Variants in AFF3 observed in about 807,000 individuals in gnomAD.
The protein encoded by AFF3 is AF4/FMR2 family member 3.
In AFF3, 32 loss-of-function variants were observed where a neutral mutation model predicts 129.7. That is an observed-to-expected ratio of 0.25 (90% CI 0.19 to 0.33). AFF3 has a LOEUF of 0.33. AFF3 is among the 10% of genes least tolerant of loss of function. The pLI, the probability that AFF3 is intolerant of heterozygous loss-of-function variation, is 1.00. For synonymous variants in AFF3, 644 were observed against 635.4 expected (o/e 1.01, Z -0.20); for missense variants, 1,373 against 1,592.0 (o/e 0.86, Z 2.34).
At chr2:99,571,746 A>C (rs1408628095) in intron 18 of AFF3, among the ~76,000 whole-genome samples, 1 of 152,126 alleles carries the variant, frequency 6.6e-6, no homozygotes, top group Non-Finnish European at 1.5e-5. Context: ...TCTCCTTTCG[A>C]GTGATTTCTA....
At position 99,788,283 on chromosome 2, in the gene AFF3, T is replaced by C. The variant is rs190615158; in HGVS notation, c.922-35982A>G. ...TAAAACAGCTTCAAGCAGTTCCTCA[T>C]GAGGTATCCAGAAGAAGGCACTGCT... On this transcript the variant is annotated intron_variant, in intron 8 of 24. Transcript: ENST00000672756. Among the ~76,000 whole-genome samples the C allele has an allele frequency of 4.6e-5, 7 of 152,246 alleles. No individual in the cohort carries two copies. The East Asian group carries it at 1.4e-3, about 29-fold the overall frequency.
intron 7 of AFF3, among the ~76,000 whole-genome samples, chr2:99,975,754 CTTTT>C (rs35224838): frequency 2.9e-5 from 3 of 103,892 alleles, no homozygotes; most frequent in Admixed American, 1.1e-4. Context: ...TTTCCCTCCA[CTTTT>C]TTTTTTTTTT....
chr2:99,817,242 TC>T (rs1247087333), intron 8 of AFF3, among the ~76,000 whole-genome samples: 1 of 152,078 alleles, frequency 6.6e-6, no homozygotes, highest in East Asian at 1.9e-4. Context: ...AGTACAAACC[TC>T]CCCGGGTCTG....
intron 7 of AFF3, among the ~76,000 whole-genome samples, chr2:99,929,659 G>A (rs189378577): frequency 2.7e-4 from 41 of 152,224 alleles, no homozygotes; most frequent in African/African-American, 8.7e-4. Context: ...CTGACATCAC[G>A]TTGCCTTGCC....
intron 8 of AFF3, among the ~76,000 whole-genome samples, chr2:99,823,192 A>G (rs1687817719): frequency 6.6e-6 from 1 of 152,140 alleles, no homozygotes; most frequent in Non-Finnish European, 1.5e-5. Context: ...TCTTTTTTTA[A>G]TAAGTGTTTA....
At chr2:100,029,667 A>T (rs13387413) in intron 4 of AFF3, among the ~76,000 whole-genome samples, 3,158 of 152,294 alleles carry the variant, frequency 0.021, 121 homozygotes, top group African/African-American at 0.072. Flanking sequence ...AGGGAGTGGG[A>T]AAACAGCATT....
intron 11 of AFF3, among the ~76,000 whole-genome samples, chr2:99,690,786 T>G (rs1196450297): frequency 6.6e-6 from 1 of 151,708 alleles, no homozygotes; most frequent in African/African-American, 2.4e-5. Flanking sequence ...AATTTTTTTT[T>G]TTTCAAAAAA....
intron 20 of AFF3, among the ~76,000 whole-genome samples, chr2:99,560,719 A>G (rs1675390504): frequency 6.6e-6 from 1 of 152,224 alleles, no homozygotes; most frequent in African/African-American, 2.4e-5. Flanking sequence ...TTCAAGAACT[A>G]TTCATGTATA....
chr2:99,945,035 G>C (rs926289067), intron 7 of AFF3, among the ~76,000 whole-genome samples: 11 of 152,158 alleles, frequency 7.2e-5, no homozygotes, highest in African/African-American at 2.4e-4. Context: ...GTTAGTGCTG[G>C]AGTAACAAAG....
intron 7 of AFF3, among the ~76,000 whole-genome samples, chr2:99,860,363 C>A (rs189398774): frequency 6.6e-6 from 1 of 151,982 alleles, no homozygotes; most frequent in African/African-American, 2.4e-5. Flanking sequence ...ACCATCCTGG[C>A]TAACATGGTG....
chr2:100,107,030 G>A, intron 2 of AFF3: 1 of 985,394 alleles, frequency 1.0e-6, no homozygotes, highest in Non-Finnish European at 1.2e-6. Context: ...TAAAGCAATT[G>A]CAAGGCGGGT....
intron 9 of AFF3, among the ~76,000 whole-genome samples, chr2:99,745,157 G>T (rs905887167): frequency 5.9e-5 from 9 of 152,116 alleles, no homozygotes; most frequent in African/African-American, 9.7e-5. Context: ...TCATGTGTTT[G>T]TTGGCCATTT....
intron 4 of AFF3, among the ~76,000 whole-genome samples, chr2:100,079,867 G>A (rs1688907963): frequency 6.6e-6 from 1 of 152,150 alleles, no homozygotes; most frequent in Non-Finnish European, 1.5e-5. Flanking sequence ...AAAAAGAAGA[G>A]TAACTCAGCC....
At chr2:99,657,043 G>A (rs781433411) in intron 12 of AFF3, among the ~76,000 whole-genome samples, 13 of 152,112 alleles carry the variant, frequency 8.5e-5, no homozygotes, top group African/African-American at 2.7e-4. Context: ...CTGTACAGTC[G>A]CTCTAATGAG....
chr2:99,724,271 C>CTTTCTTTTTTTTTTTTTTTTTT (rs1411290883), intron 11 of AFF3, among the ~76,000 whole-genome samples: 3 of 66,862 alleles, frequency 4.5e-5, no homozygotes, highest in African/African-American at 6.6e-5. Context: ...AATGACCTTT[C>CTTTCTTTTTTTTTTTTTTTTTT]TTTTTTTTTT....
chr2:99,689,624 G>C (rs912253890), intron 11 of AFF3, among the ~76,000 whole-genome samples: 11 of 127,150 alleles, frequency 8.7e-5, no homozygotes, highest in Middle Eastern at 5.7e-3. Flanking sequence ...TGTATCTCCA[G>C]TGCCTTGGAG....
chr2:100,080,564 G>A (rs1688967308), intron 4 of AFF3, among the ~76,000 whole-genome samples: 1 of 152,090 alleles, frequency 6.6e-6, no homozygotes, highest in Non-Finnish European at 1.5e-5. Flanking sequence ...TAAAGGGAGG[G>A]AGGGAGGAAA....
intron 7 of AFF3, among the ~76,000 whole-genome samples, chr2:99,961,458 C>T (rs773025760): frequency 6.6e-5 from 10 of 152,168 alleles, no homozygotes; most frequent in Non-Finnish European, 8.8e-5. Context: ...GAGACATCTG[C>T]GGTTTCACTT....
intron 12 of AFF3, among the ~76,000 whole-genome samples, chr2:99,672,061 T>G (rs1687188601): frequency 6.6e-6 from 1 of 152,150 alleles, no homozygotes; most frequent in Non-Finnish European, 1.5e-5. Context: ...CATTTGCTCC[T>G]TCTCAATGTT....
Sources: gnomAD v4.1 joint callset for allele counts (sites outside exome capture counted in the v4.1 genomes callset) on GRCh38, gnomAD v4.1.1 for gene constraint, MANE v1.5 for transcripts, NCBI Gene and HGNC (gene_info 2026-07-23, HGNC 2026-07-21) for gene names.